The following PXDNL variants were observed in gnomAD, a reference collection of about 807,000 sequenced individuals.
PXDNL encodes the protein probable oxidoreductase PXDNL.
A neutral mutation model predicts 150.8 loss-of-function variants in PXDNL; 145 were observed. The observed-to-expected ratio is 0.96, with a 90% CI of 0.84 to 1.10. The LOEUF is 1.10. PXDNL is among the 50% of genes least tolerant of loss of function. PXDNL has a pLI of 0.00. For synonymous variants in PXDNL, 757 were observed against 725.7 expected (o/e 1.04, Z -0.69); for missense variants, 2,087 against 1,873.9 (o/e 1.11, Z -2.10).
At position 51,550,315 on chromosome 8, in the gene PXDNL, A is replaced by G. The variant is rs548105194; in HGVS notation, c.380+6525T>C. On this transcript the variant is annotated intron_variant, in intron 4 of 22. Coordinates refer to ENST00000356297, the MANE Select transcript of PXDNL (RefSeq NM_144651.5). ...TATTCCAAAAGATAAAGAAAGAGGG[A>G]ATCCTCCGTAAATCAGTCTATGAAG... Among the ~76,000 whole-genome samples the G allele has an allele frequency of 2.0e-5, 3 of 152,276 alleles. No homozygotes were observed. In the South Asian group the frequency reaches 6.2e-4, roughly 32 times the overall value.
intron 19 of PXDNL, among the ~76,000 whole-genome samples, chr8:51,363,731 T>C (rs1296445646): frequency 1.3e-5 from 2 of 152,046 alleles, no homozygotes; most frequent in East Asian, 2.0e-4. Flanking sequence ...GAGGCAGAAA[T>C]TGGGCATAAG....
chr8:51,342,953 G>A (rs1342071672), intron 20 of PXDNL, among the ~76,000 whole-genome samples: 1 of 151,830 alleles, frequency 6.6e-6, no homozygotes, highest in Non-Finnish European at 1.5e-5. Context: ...GAGAGTGGTG[G>A]GTGATTTAAA....
chr8:51,447,802 A>C (rs866384464), intron 11 of PXDNL, among the ~76,000 whole-genome samples: 2 of 152,214 alleles, frequency 1.3e-5, no homozygotes, highest in African/African-American at 4.8e-5. Flanking sequence ...TGGAAAAAGG[A>C]ATAGCTAACC....
intron 1 of PXDNL, among the ~76,000 whole-genome samples, chr8:51,675,806 A>AAAAAAG (rs1815607580): frequency 6.6e-6 from 1 of 151,390 alleles, no homozygotes; most frequent in South Asian, 2.1e-4. Context: ...AAAAAAAAAA[A>AAAAAAG]AAAAATTGCC....
intron 3 of PXDNL, 90 bp from the exon 4 acceptor site, chr8:51,557,001 C>T: frequency 1.4e-6 from 1 of 719,638 alleles, no homozygotes; most frequent in Non-Finnish European, 2.4e-6. Flanking sequence ...AAGCTGTGGA[C>T]CTTAGGAGCT....
intron 12 of PXDNL, among the ~76,000 whole-genome samples, chr8:51,445,559 TAG>T (rs1809654715): frequency 6.6e-6 from 1 of 152,214 alleles, no homozygotes; most frequent in Non-Finnish European, 1.5e-5. Context: ...ACAGTGGTCT[TAG>T]AGAGTCGACG....
chr8:51,715,019 GTTGCCAATATTTT>G (rs566694728), intron 1 of PXDNL, among the ~76,000 whole-genome samples: 255 of 152,296 alleles, frequency 1.7e-3, no homozygotes, highest in Admixed American at 3.7e-3. Flanking sequence ...AGCAGCATTA[GTTGCCAATATTTT>G]TTGCCATTTT....
intron 2 of PXDNL, among the ~76,000 whole-genome samples, chr8:51,603,037 TATC>T (rs1414750582): frequency 2.0e-5 from 3 of 151,804 alleles, no homozygotes; most frequent in Non-Finnish European, 2.9e-5. Context: ...ATTTACATAT[TATC>T]ATTACTATTG....
Position 51,492,740 on chromosome 8 carries a change from C to T in PXDNL, c.452+6959G>A, listed in dbSNP as rs189357233. Among the ~76,000 whole-genome samples, 24 of 152,204 alleles carry T rather than the reference C, an allele frequency of 1.6e-4. No individual in the cohort carries two copies. In the East Asian group the frequency reaches 3.3e-3, roughly 21 times the overall value. ...GGAGGTAGTGAGGCTGGGGGAGGGG[C>T]GCCTGCGATTGCCCAGGCTTGACTA... On this transcript the variant is annotated intron_variant, in intron 5 of 22. Transcript: ENST00000356297.
intron 17 of PXDNL, among the ~76,000 whole-genome samples, chr8:51,395,379 CCTCTCCCTCAAATT>C (rs1190602799): frequency 6.6e-6 from 1 of 152,298 alleles, no homozygotes; most frequent in East Asian, 1.9e-4. Flanking sequence ...ACTTGTGCTG[CCTCTCCCTCAAATT>C]CTGGTTTATA....
intron 1 of PXDNL, among the ~76,000 whole-genome samples, chr8:51,684,216 A>G (rs1293621101): frequency 2.0e-5 from 3 of 152,176 alleles, no homozygotes; most frequent in Non-Finnish European, 4.4e-5. Flanking sequence ...CACAGATCTC[A>G]CATAATCTCT....
At chr8:51,402,890 G>GT (rs1808301435) in intron 17 of PXDNL, among the ~76,000 whole-genome samples, 1 of 140,476 alleles carries the variant, frequency 7.1e-6, no homozygotes, top group Non-Finnish European at 1.5e-5. Context: ...GTAAAACCCC[G>GT]TCTCTACTAA....
chr8:51,590,725 G>GTT lies in PXDNL; in HGVS notation c.308+1900_308+1901dup, dbSNP rs138678908. 3.4e-3 allele frequency among the ~76,000 whole-genome samples: 509 copies of GTT among 151,284 alleles called. 2 individuals carry two copies. Among genetic ancestry groups the GTT allele is most frequent in the African/African-American group, 0.012 (487 of 41,232 alleles). Reference sequence around the variant, plus strand: ...GTCGTATTTTGGAAGTAGATATCTTGTTTTTTTTTATTTCACAAGCTTACA... The same window carrying GTT: ...GTCGTATTTTGGAAGTAGATATCTTGTTTTTTTTTTTATTTCACAAGCTTACA... On this transcript the variant is annotated intron_variant, in intron 3 of 22. Coordinates refer to ENST00000356297, the MANE Select transcript of PXDNL (RefSeq NM_144651.5).
chr8:51,472,122 T>C (rs1810352554), intron 8 of PXDNL, 65 bp downstream of exon 8: 2 of 1,067,768 alleles, frequency 1.9e-6, no homozygotes, highest in Non-Finnish European at 1.4e-6. Flanking sequence ...AGGAGTTAAA[T>C]TGAGTTAAAA....
At chr8:51,349,021 TA>T (rs1806252539) in intron 19 of PXDNL, among the ~76,000 whole-genome samples, 1 of 152,216 alleles carries the variant, frequency 6.6e-6, no homozygotes. Context: ...TGAAATGACT[TA>T]AATTTAGATC....
At chr8:51,472,910 A>G (rs1392334075) in intron 7 of PXDNL, among the ~76,000 whole-genome samples, 1 of 152,182 alleles carries the variant, frequency 6.6e-6, no homozygotes, top group Admixed American at 6.5e-5. Flanking sequence ...AGAACAATGT[A>G]CAAAAGGGAC....
chr8:51,748,647 T>A (rs2037012035), intron 1 of PXDNL, among the ~76,000 whole-genome samples: 1 of 152,126 alleles, frequency 6.6e-6, no homozygotes, highest in Admixed American at 6.5e-5. Context: ...TGTGAACAAG[T>A]GACCATAGAA....
rs543883970 is a variant in PXDNL, at chr8:51,579,196, A to C, written c.308+13431T>G. ...GTTACAGACTGGAAGAAAATATTTG[A>C]AAAGTACATATCTGATAAAGGACTA... On this transcript the variant is annotated intron_variant, in intron 3 of 22. Transcript: ENST00000356297. Among the ~76,000 whole-genome samples the C allele has an allele frequency of 4.6e-5, 7 of 152,172 alleles. 1 individual carries two copies. In the South Asian group the frequency reaches 1.4e-3, roughly 32 times the overall value.
chr8:51,377,260 G>A (rs985727007), intron 17 of PXDNL, among the ~76,000 whole-genome samples: 1 of 65,922 alleles, frequency 1.5e-5, no homozygotes, highest in South Asian at 5.9e-4. Context: ...CCTTCTAGGG[G>A]ATTTTTTTTT....
Sources: gnomAD v4.1 joint callset for allele counts (sites outside exome capture counted in the v4.1 genomes callset) on GRCh38, gnomAD v4.1.1 for gene constraint, MANE v1.5 for transcripts, NCBI Gene and HGNC (gene_info 2026-07-23, HGNC 2026-07-21) for gene names.